RYR3: variants seen among roughly 807,000 people sequenced by gnomAD.
The protein encoded by RYR3 is brain ryanodine receptor-calcium release channel.
RYR3 carries 207 observed loss-of-function variants against 584.3 expected under a neutral mutation model. The ratio of observed to expected loss-of-function variants is 0.35; its 90% CI spans 0.32 to 0.40. The LOEUF (loss-of-function observed/expected upper bound fraction) is 0.40. Among genes scored for constraint, RYR3 ranks in the 10% least tolerant of loss-of-function variants. The pLI is 1.00. For missense variants in RYR3, 5,616 were observed against 6,089.2 expected (o/e 0.92, Z 2.59); for synonymous variants, 2,416 against 2,248.5 (o/e 1.07, Z -2.11).
intron 60 of RYR3, among the ~76,000 whole-genome samples, chr15:33,766,769 C>G (rs576156156): frequency 6.6e-6 from 1 of 152,350 alleles, no homozygotes; most frequent in African/African-American, 2.4e-5. Context: ...CGCCCTTGCG[C>G]CACCTTTTCT....
At chr15:33,762,210 C>G (rs2072517629) in intron 60 of RYR3, among the ~76,000 whole-genome samples, 1 of 152,194 alleles carries the variant, frequency 6.6e-6, no homozygotes, top group African/African-American at 2.4e-5. Flanking sequence ...CAGGGATGCC[C>G]TCTCTCACCA....
intron 2 of RYR3, among the ~76,000 whole-genome samples, chr15:33,479,243 T>C (rs1302551279): frequency 6.6e-6 from 1 of 152,150 alleles, no homozygotes; most frequent in Non-Finnish European, 1.5e-5. Context: ...TTTTCTATTA[T>C]TTTTAGATTC....
chr15:33,744,918 A>G (rs72715112), intron 52 of RYR3, among the ~76,000 whole-genome samples: 2,357 of 152,328 alleles, frequency 0.015, 27 homozygotes, highest in Middle Eastern at 0.048. Flanking sequence ...TAGTGTGCCC[A>G]CAAATGATTG....
At chr15:33,616,310 A>C in intron 19 of RYR3, among the ~76,000 whole-genome samples, 1 of 152,344 alleles carries the variant, frequency 6.6e-6, no homozygotes, top group Middle Eastern at 3.4e-3. Context: ...TCATTAGTTC[A>C]TCCCTTCCGT....
chr15:33,349,179 T>C (rs374368259), intron 1 of RYR3, among the ~76,000 whole-genome samples: 1 of 150,412 alleles, frequency 6.6e-6, no homozygotes, highest in African/African-American at 2.4e-5. Context: ...TCTGTTTACC[T>C]ATAGAAGTAC....
chr15:33,481,852 G>A (rs1191548779), intron 2 of RYR3, among the ~76,000 whole-genome samples: 1 of 144,878 alleles, frequency 6.9e-6, no homozygotes, highest in East Asian at 2.0e-4. Context: ...AGTTTTCCTT[G>A]CATTCATATT....
intron 36 of RYR3, among the ~76,000 whole-genome samples, chr15:33,666,162 G>A (rs1243013568): frequency 2.0e-5 from 3 of 152,006 alleles, no homozygotes; most frequent in Admixed American, 1.3e-4. Flanking sequence ...GCACCACCAT[G>A]ACCAACTAAT....
chr15:33,670,831 C>T (rs1324027601), intron 38 of RYR3, among the ~76,000 whole-genome samples: 1 of 152,088 alleles, frequency 6.6e-6, no homozygotes, highest in Non-Finnish European at 1.5e-5. Context: ...CCTGTAAATA[C>T]ATGTCTGTTC....
rs188359974 is a variant in RYR3, at chr15:33,377,911, G to T, written c.51+66815G>T. On this transcript the variant is annotated intron_variant, in intron 1 of 103. Transcript: ENST00000634891. ...TCCTCCTGCCTCAGCCTCCCCAGTA[G>T]CTGGGACTACAGGTGCACACAACTA... Among the ~76,000 whole-genome samples the T allele has an allele frequency of 4.3e-4, 65 of 151,850 alleles. No individual in the cohort carries two copies. The East Asian group carries it at 0.013, about 29-fold the overall frequency.
chr15:33,402,102 T>C (rs189329826), intron 1 of RYR3, among the ~76,000 whole-genome samples: 3 of 152,260 alleles, frequency 2.0e-5, no homozygotes, highest in African/African-American at 7.2e-5. Context: ...TACAGGTTGA[T>C]TTGGGGGAAA....
intron 19 of RYR3, among the ~76,000 whole-genome samples, chr15:33,614,925 T>A (rs2060375011): frequency 6.6e-6 from 1 of 152,194 alleles, no homozygotes; most frequent in South Asian, 2.1e-4. Flanking sequence ...ATTGTTCATT[T>A]AATTGGGCTT....
At chr15:33,788,714 G>A (rs1489993474) in intron 67 of RYR3, among the ~76,000 whole-genome samples, 1 of 152,176 alleles carries the variant, frequency 6.6e-6, no homozygotes, top group Non-Finnish European at 1.5e-5. Context: ...GTCAGAGGAA[G>A]TTGGTCAAAT....
chr15:33,581,671 T>C, intron 14 of RYR3, 28 bp downstream of exon 14: 1 of 1,598,800 alleles, frequency 6.3e-7, no homozygotes, highest in Non-Finnish European at 8.6e-7. Flanking sequence ...GCCTTCTCCC[T>C]GGGATGATTT....
intron 29 of RYR3, 111 bp downstream of exon 29, chr15:33,646,637 T>A: frequency 1.0e-6 from 1 of 975,190 alleles, no homozygotes; most frequent in Non-Finnish European, 1.5e-6. Context: ...GGGTTCTCTC[T>A]GCTTTCAGTC....
In RYR3 at chr15:33,829,785, G is replaced by C. The variant is rs2077574956; in HGVS notation, c.11335-1178G>C. Among the ~76,000 whole-genome samples the C allele has an allele frequency of 2.0e-5, 3 of 151,960 alleles. No homozygotes were observed. The East Asian group carries it at 5.8e-4, about 30-fold the overall frequency. ...AAAAAAAAAATTTTGATTCATGGGA[G>C]AAGGTCAAATATCAACATTAACAGG... is the stretch of plus-strand genomic sequence containing the variant. On this transcript the variant is annotated intron_variant, in intron 85 of 103. Coordinates refer to ENST00000634891, the MANE Select transcript of RYR3 (RefSeq NM_001036.6).
intron 43 of RYR3, among the ~76,000 whole-genome samples, 175 bp downstream of exon 43, chr15:33,707,229 G>C (rs113593763): frequency 0.012 from 1,816 of 152,264 alleles, 28 homozygotes; most frequent in African/African-American, 0.041. Flanking sequence ...AGAAATCTCA[G>C]AATCAGGCCA....
At chr15:33,736,447 T>G (rs894380282) in intron 49 of RYR3, 122 bp downstream of exon 49, 3 of 637,578 alleles carry the variant, frequency 4.7e-6, no homozygotes, top group Non-Finnish European at 8.1e-6. Context: ...TCCCTTAAGT[T>G]GATGGTTAGC....
chr15:33,714,897 A>G (rs1388013700), intron 43 of RYR3, among the ~76,000 whole-genome samples: 1 of 152,364 alleles, frequency 6.6e-6, no homozygotes, highest in South Asian at 2.1e-4. Context: ...GATCAGAAAC[A>G]TGTATGGAAT....
At chr15:33,568,099 A>T (rs570737381) in intron 12 of RYR3, among the ~76,000 whole-genome samples, 1 of 152,278 alleles carries the variant, frequency 6.6e-6, no homozygotes, top group African/African-American at 2.4e-5. Context: ...AGAATAGATC[A>T]ATCTGTAGAG....
Sources: allele counts gnomAD v4.1 joint callset (sites outside exome capture counted in the v4.1 genomes callset), GRCh38; gene constraint gnomAD v4.1.1; transcripts MANE v1.5; gene names NCBI Gene and HGNC (gene_info 2026-07-23, HGNC 2026-07-21).